The following CADPS2 variants were observed in gnomAD, a reference collection of about 807,000 sequenced individuals.
The protein encoded by CADPS2 is calcium-dependent secretion activator 2.
Under a neutral mutation model 172.5 loss-of-function variants are expected in CADPS2, and 93 were observed. The ratio of observed to expected loss-of-function variants is 0.54; its 90% CI spans 0.46 to 0.64. The LOEUF (loss-of-function observed/expected upper bound fraction) is 0.64, where lower values mean the gene tolerates loss of function less well. Among genes scored for constraint, CADPS2 ranks in the 30% least tolerant of loss-of-function variants. The pLI is 0.00. For synonymous variants in CADPS2, 546 were observed against 555.2 expected, an observed-to-expected ratio of 0.98 and a Z score of 0.23; for missense variants, 1,420 against 1,565.9, an observed-to-expected ratio of 0.91 and a Z score of 1.57.
intron 16 of CADPS2, among the ~76,000 whole-genome samples, chr7:122,438,728 T>C (rs2050974842): frequency 6.6e-6 from 1 of 152,004 alleles, no homozygotes; most frequent in Admixed American, 6.6e-5. Context: ...CTAGACCAGG[T>C]CACCATTCAG....
At chr7:122,868,465 A>T (rs1239616680) in intron 1 of CADPS2, among the ~76,000 whole-genome samples, 1 of 152,104 alleles carries the variant, frequency 6.6e-6, no homozygotes, top group Non-Finnish European at 1.5e-5. Context: ...GTCTTCTCTC[A>T]CCTCTCTCAA....
intron 7 of CADPS2, among the ~76,000 whole-genome samples, chr7:122,561,340 T>C (rs1205365466): frequency 6.6e-6 from 1 of 152,170 alleles, no homozygotes; most frequent in Non-Finnish European, 1.5e-5. Flanking sequence ...CACTTTTTTT[T>C]TTAAACAAGA....
At chr7:122,429,449 C>T (rs1027984415) in intron 17 of CADPS2, among the ~76,000 whole-genome samples, 8 of 151,284 alleles carry the variant, frequency 5.3e-5, no homozygotes, top group Admixed American at 5.3e-4. Flanking sequence ...AAGAAAAAGA[C>T]AACAGGTTAC....
intron 20 of CADPS2, among the ~76,000 whole-genome samples, chr7:122,397,940 T>TA (rs1156889226): frequency 5.9e-5 from 9 of 152,256 alleles, no homozygotes; most frequent in South Asian, 2.1e-4. Flanking sequence ...ATTTTTCAGA[T>TA]AAAAAAATAA....
intron 2 of CADPS2, among the ~76,000 whole-genome samples, chr7:122,665,934 T>G (rs71574713): frequency 6.6e-6 from 1 of 152,176 alleles, no homozygotes; most frequent in East Asian, 1.9e-4. Context: ...TAAATATTCA[T>G]GTATCAAAGA....
At chr7:122,474,593 C>G in intron 12 of CADPS2, 76 bp from the exon 13 acceptor site, 1 of 1,391,506 alleles carries the variant, frequency 7.2e-7, no homozygotes, top group East Asian at 2.5e-5. Flanking sequence ...GTGAAGAATA[C>G]AAAATGCGTG....
chr7:122,493,592 A>C (rs972056163), intron 9 of CADPS2, among the ~76,000 whole-genome samples: 5 of 152,222 alleles, frequency 3.3e-5, no homozygotes, highest in African/African-American at 1.2e-4. Flanking sequence ...TGACAGAATG[A>C]AAACTGGTGT....
At chr7:122,572,413 T>C (rs1178984358) in intron 7 of CADPS2, among the ~76,000 whole-genome samples, 1 of 152,154 alleles carries the variant, frequency 6.6e-6, no homozygotes, top group African/African-American at 2.4e-5. Flanking sequence ...TCCTTCTGTA[T>C]ATACTGAAGA....
intron 1 of CADPS2, among the ~76,000 whole-genome samples, chr7:122,789,039 A>G (rs538862362): frequency 6.6e-6 from 1 of 152,312 alleles, no homozygotes; most frequent in East Asian, 1.9e-4. Flanking sequence ...CCAGAATTTA[A>G]GATGCTCAGA....
intron 2 of CADPS2, among the ~76,000 whole-genome samples, chr7:122,680,372 T>C (rs2082890531): frequency 6.6e-6 from 1 of 152,206 alleles, no homozygotes; most frequent in Non-Finnish European, 1.5e-5. Context: ...CCTTCCAACT[T>C]TTCTAAATCC....
At chr7:122,561,593 A>G (rs2065790021) in intron 7 of CADPS2, among the ~76,000 whole-genome samples, 1 of 152,156 alleles carries the variant, frequency 6.6e-6, no homozygotes, top group Non-Finnish European at 1.5e-5. Flanking sequence ...AGCCGTTAGT[A>G]GTCTACGCTC....
rs59875049 is a variant in CADPS2, at chr7:122,820,560, T to G, written c.339+65439A>C. 3.3e-4 allele frequency among the ~76,000 whole-genome samples: 37 copies of G among 113,800 alleles called. 4 individuals carry two copies. In the East Asian group the frequency reaches 5.5e-3, roughly 17 times the overall value. The allele number at this position is 113,800 out of a possible 152,430, so 74.7% of individuals were successfully genotyped here. A position where few individuals can be genotyped will look rare whatever the true frequency, so the allele number is the denominator to read the frequency against. ...CCTTACTGTTTTTTGTTTTTTGTTT[T>G]TTTTTTTTTTTTTTTTTGAGACGGA... is the stretch of plus-strand genomic sequence containing the variant. On this transcript the variant is annotated intron_variant, in intron 1 of 29. Transcript: ENST00000449022.
chr7:122,551,034 G>A (rs1434481012), intron 8 of CADPS2, among the ~76,000 whole-genome samples: 1 of 151,988 alleles, frequency 6.6e-6, no homozygotes, highest in African/African-American at 2.4e-5. Flanking sequence ...TTTACATGTA[G>A]TTAGTCCTAC....
intron 6 of CADPS2, among the ~76,000 whole-genome samples, chr7:122,614,322 G>C (rs1433983208): frequency 1.3e-5 from 2 of 151,944 alleles, no homozygotes; most frequent in East Asian, 3.9e-4. Flanking sequence ...ATAACCCTCT[G>C]TATCTCCCTA....
chr7:122,879,717 T>C (rs1822359629), intron 1 of CADPS2, among the ~76,000 whole-genome samples: 1 of 152,158 alleles, frequency 6.6e-6, no homozygotes, highest in African/African-American at 2.4e-5. Context: ...ATTTTCATTA[T>C]AAAAATCCAT....
intron 12 of CADPS2, among the ~76,000 whole-genome samples, chr7:122,477,543 CA>C (rs74426975): frequency 0.027 from 2,978 of 112,034 alleles, 93 homozygotes; most frequent in African/African-American, 0.088. Flanking sequence ...CCGACCCCAC[CA>C]AAAAAAAAAA....
At chr7:122,513,215 TA>T (rs1563558032) in intron 9 of CADPS2, 33 bp downstream of exon 9, 3 of 1,440,702 alleles carry the variant, frequency 2.1e-6, no homozygotes, top group Middle Eastern at 3.5e-4. Context: ...ACTGCTATCT[TA>T]GAGTGATTAT....
rs112526710 is a variant in CADPS2 at position 122,876,073 on chromosome 7, C to T, written c.339+9926G>A. On this transcript the variant is annotated intron_variant, in intron 1 of 29. Transcript: ENST00000449022. The stretch of plus-strand genomic sequence containing the variant: ...CAGTGGCTCATGCCTGTAATCCCAG[C>T]ACTTTGGGAGGCTGAGGCGGGTGGA... Among the ~76,000 whole-genome samples, 363 of 152,280 alleles carry T rather than the reference C, an allele frequency of 2.4e-3. 1 individual carries two copies. Among genetic ancestry groups the T allele is most frequent in the African/African-American group, 7.9e-3 (330 of 41,562 alleles).
At chr7:122,378,606 G>A (rs2042627441) in intron 25 of CADPS2, among the ~76,000 whole-genome samples, 1 of 152,002 alleles carries the variant, frequency 6.6e-6, no homozygotes, top group Non-Finnish European at 1.5e-5. Flanking sequence ...CCTTCCAGTT[G>A]TTTTATGAAG....
Sources: allele counts gnomAD v4.1 joint callset (sites outside exome capture counted in the v4.1 genomes callset), GRCh38; gene constraint gnomAD v4.1.1; transcripts MANE v1.5; gene names NCBI Gene and HGNC (gene_info 2026-07-23, HGNC 2026-07-21).